The following CNTLN variants were observed in gnomAD, a reference collection of about 807,000 sequenced individuals.
CNTLN encodes the protein centlein, also known as centlein, centrosomal protein.
CNTLN carries 212 observed loss-of-function variants against 180.0 expected under a neutral mutation model. The observed-to-expected ratio is 1.18, with a 90% CI of 1.05 to 1.32. The LOEUF (loss-of-function observed/expected upper bound fraction) is 1.32, where lower values mean the gene tolerates loss of function less well. Ranked by LOEUF, CNTLN falls within the 40% of genes most tolerant of loss-of-function variation. CNTLN has a pLI of 0.00. For synonymous variants in CNTLN, 722 were observed against 563.1 expected, an observed-to-expected ratio of 1.28 and a Z score of -3.99; for missense variants, 2,095 against 1,610.9, an observed-to-expected ratio of 1.30 and a Z score of -5.14.
intron 2 of CNTLN, among the ~76,000 whole-genome samples, chr9:17,190,767 G>A (rs564388488): frequency 6.6e-6 from 1 of 152,142 alleles, no homozygotes; most frequent in East Asian, 1.9e-4. Context: ...TGCTGAAAAT[G>A]GTACAGGAAG....
chr9:17,387,700 G>A (rs1472591862), intron 13 of CNTLN, among the ~76,000 whole-genome samples: 2 of 151,952 alleles, frequency 1.3e-5, no homozygotes, highest in Admixed American at 6.6e-5. Context: ...AAAGGTTGTG[G>A]TAGGGGTTGT....
At chr9:17,258,084 T>A (rs12379317) in intron 5 of CNTLN, among the ~76,000 whole-genome samples, 34,968 of 148,734 alleles carry the variant, frequency 0.24, 4,312 homozygotes, top group South Asian at 0.35. Flanking sequence ...TTGCCTAGGT[T>A]TTCTTCTAGG....
At chr9:17,440,588 C>CAAAAAAAAAAAAAAAAAAAAAAAAAAAA (rs35350865) in intron 18 of CNTLN, among the ~76,000 whole-genome samples, 3 of 114,664 alleles carry the variant, frequency 2.6e-5, no homozygotes, top group African/African-American at 1.1e-4. Flanking sequence ...GACTCCGTCT[C>CAAAAAAAAAAAAAAAAAAAAAAAAAAAA]AAAAAAAAAA....
chr9:17,388,714 C>G (rs1434769627), intron 14 of CNTLN, among the ~76,000 whole-genome samples: 1 of 151,756 alleles, frequency 6.6e-6, no homozygotes, highest in African/African-American at 2.4e-5. Flanking sequence ...CGTGACTCTT[C>G]TCATTTTAGA....
chr9:17,522,680 C>CA, the CNTLN span, among the ~76,000 whole-genome samples: 1 of 152,064 alleles, frequency 6.6e-6, no homozygotes, highest in African/African-American at 2.4e-5. Flanking sequence ...CTCCAAGGTA[C>CA]AAGGATATTC....
Position 17,298,355 on chromosome 9 carries a change from A to G in CNTLN, c.1146+3A>G. The G allele has an allele frequency of 6.2e-7, 1 of 1,608,592 alleles. No individual in the cohort carries two copies. Among genetic ancestry groups the G allele is most frequent in the Non-Finnish European group, 8.5e-7 (1 of 1,177,978 alleles). On this transcript the variant is annotated splice_donor_region_variant and intron_variant, in intron 7 of 25. Transcript: ENST00000380647. ...CTGAAAGTATATCATATCAAAAAGT[A>G]TGCTTTTATTCTGTAATAAAGATGT...
intron 2 of CNTLN, among the ~76,000 whole-genome samples, chr9:17,214,470 C>G (rs990669574): frequency 2.0e-5 from 3 of 152,218 alleles, no homozygotes; most frequent in African/African-American, 4.8e-5. Flanking sequence ...CGACCTTTCT[C>G]TCTGGCTGCC....
intron 8 of CNTLN, among the ~76,000 whole-genome samples, chr9:17,310,468 T>G (rs1819053685): frequency 6.6e-6 from 1 of 152,236 alleles, no homozygotes; most frequent in Non-Finnish European, 1.5e-5. Flanking sequence ...TTTTTACATG[T>G]ATCTCTAGAT....
chr9:17,212,888 AT>A (rs1823435077), intron 2 of CNTLN, among the ~76,000 whole-genome samples: 1 of 152,050 alleles, frequency 6.6e-6, no homozygotes, highest in African/African-American at 2.4e-5. Flanking sequence ...TTTCTGTGGG[AT>A]CGGTGGTGAT....
chr9:17,347,842 TA>T (rs1822035201), intron 12 of CNTLN, among the ~76,000 whole-genome samples: 2 of 152,056 alleles, frequency 1.3e-5, no homozygotes, highest in Non-Finnish European at 1.5e-5. Flanking sequence ...TATTTATATA[TA>T]TTTTTTGAGA....
At chr9:17,427,236 G>T (rs1029340246) in intron 18 of CNTLN, among the ~76,000 whole-genome samples, 1 of 151,620 alleles carries the variant, frequency 6.6e-6, no homozygotes, top group Middle Eastern at 3.4e-3. Context: ...TCTGCTGCTG[G>T]CTGCTCTCTA....
At chr9:17,326,514 T>G (rs961744723) in intron 8 of CNTLN, among the ~76,000 whole-genome samples, 3 of 152,192 alleles carry the variant, frequency 2.0e-5, no homozygotes, top group Non-Finnish European at 2.9e-5. Context: ...ATCATATATT[T>G]TATTACTTAT....
intron 5 of CNTLN, among the ~76,000 whole-genome samples, chr9:17,266,035 TC>T (rs560512904): frequency 2.6e-4 from 39 of 152,318 alleles, no homozygotes; most frequent in African/African-American, 8.9e-4. Flanking sequence ...TGTTTCTATT[TC>T]CTTCAGTTCT....
chr9:17,490,690 G>A (rs994966043), intron 25 of CNTLN, among the ~76,000 whole-genome samples: 3 of 151,810 alleles, frequency 2.0e-5, no homozygotes, highest in Admixed American at 2.0e-4. Flanking sequence ...AAAAACCAAT[G>A]ATTTATATAC....
intron 5 of CNTLN, among the ~76,000 whole-genome samples, chr9:17,246,063 G>A (rs1416335844): frequency 6.6e-6 from 1 of 152,024 alleles, no homozygotes; most frequent in East Asian, 1.9e-4. Context: ...ATTTGGTGAG[G>A]TCATGTTTTC....
chr9:17,291,799 A>T (rs1829429972), intron 6 of CNTLN, among the ~76,000 whole-genome samples: 1 of 152,092 alleles, frequency 6.6e-6, no homozygotes, highest in South Asian at 2.1e-4. Flanking sequence ...CATTTAGCCC[A>T]TTTACATTTA....
At chr9:17,249,428 A>G (rs1396972899) in intron 5 of CNTLN, among the ~76,000 whole-genome samples, 1 of 145,868 alleles carries the variant, frequency 6.9e-6, no homozygotes, top group Non-Finnish European at 1.5e-5. Context: ...GGCTCACTGC[A>G]AGCTCTACCT....
At chr9:17,282,067 A>AT (rs536420625) in intron 6 of CNTLN, among the ~76,000 whole-genome samples, 2 of 152,258 alleles carry the variant, frequency 1.3e-5, no homozygotes, top group Admixed American at 6.5e-5. Flanking sequence ...AGTTCAAGCA[A>AT]TTCTTCTGCC....
chr9:17,219,399 A>G (rs76884487), intron 2 of CNTLN, among the ~76,000 whole-genome samples: 6,181 of 151,936 alleles, frequency 0.041, 411 homozygotes, highest in African/African-American at 0.14. Flanking sequence ...CTGTTACAGC[A>G]CCATTTTATC....
Sources: allele counts gnomAD v4.1 joint callset (sites outside exome capture counted in the v4.1 genomes callset), GRCh38; gene constraint gnomAD v4.1.1; transcripts MANE v1.5; gene names NCBI Gene and HGNC (gene_info 2026-07-23, HGNC 2026-07-21).